RANBP2: variants seen among roughly 807,000 people sequenced by gnomAD.
RANBP2 encodes RAN binding protein 2.
A neutral mutation model predicts 303.6 loss-of-function variants in RANBP2; 57 were observed. The observed-to-expected ratio is 0.19, with a 90% CI of 0.15 to 0.23. RANBP2 has a LOEUF of 0.23. Ranked by LOEUF, RANBP2 falls within the 10% of genes least tolerant of loss-of-function variation. The pLI, the probability that RANBP2 is intolerant of heterozygous loss-of-function variation, is 1.00. For synonymous variants in RANBP2, 1,167 were observed against 1,301.5 expected (o/e 0.90, Z 2.23); for missense variants, 3,138 against 3,780.8 (o/e 0.83, Z 4.46).
chr2:109,530,598 T>C, the RANBP2 span, among the ~76,000 whole-genome samples: 1 of 152,198 alleles, frequency 6.6e-6, no homozygotes, highest in Non-Finnish European at 1.5e-5. Flanking sequence ...CTAATAAAAA[T>C]GGCTAAGGGA....
At chr2:108,855,846 C>T in the RANBP2 span, among the ~76,000 whole-genome samples, 2 of 152,204 alleles carry the variant, frequency 1.3e-5, no homozygotes, top group African/African-American at 2.4e-5. Context: ...AATTTTAATA[C>T]GGTGATTCTG....
chr2:108,839,184 GC>G, the RANBP2 span: 1 of 1,599,472 alleles, frequency 6.3e-7, no homozygotes, highest in East Asian at 2.3e-5. Context: ...TTTATCTTTA[GC>G]TTTTGCCTCT....
chr2:109,592,368 G>A, the RANBP2 span, among the ~76,000 whole-genome samples: 1 of 152,116 alleles, frequency 6.6e-6, no homozygotes, highest in Non-Finnish European at 1.5e-5. Context: ...GGAAGGCTGA[G>A]GCATGAGAAT....
the RANBP2 span, among the ~76,000 whole-genome samples, chr2:109,190,554 C>T: frequency 2.7e-5 from 4 of 149,068 alleles, no homozygotes; most frequent in African/African-American, 7.3e-5. Context: ...AATTGTATAA[C>T]ACCTGAGTGA....
chr2:108,897,358 A>C, the RANBP2 span: 1 of 902,150 alleles, frequency 1.1e-6, no homozygotes. Flanking sequence ...AACATGCAGA[A>C]AGCCACCTAA....
chr2:109,137,643 T>G, the RANBP2 span, among the ~76,000 whole-genome samples: 1 of 152,354 alleles, frequency 6.6e-6, no homozygotes, highest in Admixed American at 6.5e-5. Flanking sequence ...CATTTGTTGC[T>G]CTAGGATGAA....
chr2:108,938,908 T>C, the RANBP2 span, among the ~76,000 whole-genome samples: 1 of 149,098 alleles, frequency 6.7e-6, no homozygotes, highest in Admixed American at 6.8e-5. Flanking sequence ...GCCTCTCGAG[T>C]AGCTGCGACT....
the RANBP2 span, among the ~76,000 whole-genome samples, chr2:109,604,435 A>AAAG: frequency 7.3e-6 from 1 of 137,490 alleles, no homozygotes; most frequent in Non-Finnish European, 1.6e-5. Flanking sequence ...GAAAGAAAGA[A>AAAG]AAGAAAAGAG....
At chr2:109,296,220 C>CATATTATTATTA in the RANBP2 span, among the ~76,000 whole-genome samples, 1 of 148,808 alleles carries the variant, frequency 6.7e-6, no homozygotes, top group African/African-American at 2.6e-5. Flanking sequence ...AACAGAATGA[C>CATATTATTATTA]CTAGTATTAT....
chr2:108,863,627 T>G, the RANBP2 span, among the ~76,000 whole-genome samples: 3 of 152,244 alleles, frequency 2.0e-5, no homozygotes, highest in Admixed American at 6.5e-5. Flanking sequence ...TTAGGAGCTT[T>G]TAAATATATT....
chr2:108,835,015 GT>G, the RANBP2 span, among the ~76,000 whole-genome samples: 1 of 152,218 alleles, frequency 6.6e-6, no homozygotes, highest in Admixed American at 6.5e-5. Flanking sequence ...TAAGCAGATT[GT>G]TTTGCACTTG....
chr2:109,376,563 G>A, the RANBP2 span, among the ~76,000 whole-genome samples: 1 of 152,216 alleles, frequency 6.6e-6, no homozygotes, highest in African/African-American at 2.4e-5. Context: ...AAAGACAGTA[G>A]ACACAAGTGT....
the RANBP2 span, among the ~76,000 whole-genome samples, chr2:109,105,113 G>A: frequency 4.9e-4 from 74 of 152,302 alleles, 1 homozygote; most frequent in African/African-American, 1.6e-3. Context: ...GTCGCAGCTG[G>A]CACCAGGGAA....
At chr2:108,795,150 A>ATTTTTTTTTTTTTTT in the RANBP2 span, among the ~76,000 whole-genome samples, 4 of 85,010 alleles carry the variant, frequency 4.7e-5, 1 homozygote, top group African/African-American at 9.6e-5. Flanking sequence ...TCTAAAGTGT[A>ATTTTTTTTTTTTTTT]TTTTTTTTTT....
the RANBP2 span, among the ~76,000 whole-genome samples, chr2:109,513,552 CACT>C: frequency 1.3e-5 from 2 of 151,674 alleles, no homozygotes; most frequent in African/African-American, 4.8e-5. Context: ...CATACACACA[CACT>C]GCATGCACAC....
chr2:109,428,442 C>G, the RANBP2 span, among the ~76,000 whole-genome samples: 8 of 152,206 alleles, frequency 5.3e-5, no homozygotes, highest in African/African-American at 1.9e-4. Context: ...CATGCCATGC[C>G]CAGCTGGGTC....
chr2:109,560,392 GT>G, the RANBP2 span, among the ~76,000 whole-genome samples: 3 of 152,040 alleles, frequency 2.0e-5, no homozygotes, highest in Non-Finnish European at 2.9e-5. Context: ...GACACTGCTG[GT>G]TTTCCTCCTC....
At position 108,753,965 on chromosome 2, in the gene RANBP2, C is replaced by G; in HGVS notation, c.2196C>G (p.Val732=). ...IDDSDSNLSV[V]KKLPVPLESV... ...ACAGTGATTCAAATCTTTCAGTGGT[C>G]AAGAAAGTAAGTAGCAGGTTGTTGT... The change falls in exon 15 of 29, where the codon GTC becomes GTG. Residue 732 remains valine, a synonymous_variant. Coordinates refer to ENST00000283195, the MANE Select transcript of RANBP2 (RefSeq NM_006267.5). 1 of 1,611,804 alleles carries G rather than the reference C, an allele frequency of 6.2e-7. No individual in the cohort carries two copies. Among genetic ancestry groups the G allele is most frequent in the Non-Finnish European group, 8.5e-7 (1 of 1,179,798 alleles).
chr2:108,880,796 C>G, the RANBP2 span, among the ~76,000 whole-genome samples: 2 of 152,166 alleles, frequency 1.3e-5, no homozygotes. Context: ...TAACAGTGCA[C>G]CCAGTGACCA....
Sources: gnomAD v4.1 joint callset for allele counts (sites outside exome capture counted in the v4.1 genomes callset) on GRCh38, gnomAD v4.1.1 for gene constraint, MANE v1.5 for transcripts, NCBI Gene and HGNC (gene_info 2026-07-23, HGNC 2026-07-21) for gene names.